Variants in HDC observed in about 807,000 individuals in gnomAD.
HDC encodes histidine decarboxylase.
In HDC, 27 loss-of-function variants were observed where a neutral mutation model predicts 64.4. The observed-to-expected ratio is 0.42, with a 90% CI of 0.31 to 0.58. HDC has a LOEUF of 0.58. Among genes scored for constraint, HDC ranks in the 20% least tolerant of loss-of-function variants. The probability of loss-of-function intolerance (pLI) is 0.16; values close to 1 mark genes in which losing one functional copy is unlikely to be tolerated. For synonymous variants in HDC, 305 were observed against 314.2 expected, an observed-to-expected ratio of 0.97 and a Z score of 0.31; for missense variants, 711 against 833.9, an observed-to-expected ratio of 0.85 and a Z score of 1.81.
chr15:50,252,029 T>C (rs1450503360), intron 9 of HDC, among the ~76,000 whole-genome samples: 1 of 151,758 alleles, frequency 6.6e-6, no homozygotes, highest in Non-Finnish European at 1.5e-5. Context: ...ACAAAAGCGA[T>C]TTCAGCAAGA....
At chr15:50,257,593 G>C (rs2045649754) in intron 3 of HDC, 46 bp from the exon 4 acceptor site, 3 of 1,608,632 alleles carry the variant, frequency 1.9e-6, no homozygotes. Flanking sequence ...CCAGGGCACT[G>C]AGGTGCCCCC....
rs1353439606 is a variant in HDC, at chr15:50,248,109, GC to G, written c.1140+135del. On this transcript the variant is annotated intron_variant, in intron 10 of 11. Coordinates refer to ENST00000267845, the MANE Select transcript of HDC (RefSeq NM_002112.4). This position sits in a 1 kb window ranked among gnomAD's most constrained non-coding sequence, Gnocchi z 4.3. ...TAACAAAGAGAATCAAGTCCCAGGA[GC>G]TGAGGAACAGGCCCAGACACCTGAA... The G allele has an allele frequency of 7.1e-6, 5 of 701,644 alleles. No individual in the cohort carries two copies. The East Asian group carries it at 1.4e-4, about 19-fold the overall frequency. The allele number at this position is 701,644 out of a possible 1,614,324, so 43.5% of individuals were successfully genotyped here. A position where few individuals can be genotyped will look rare whatever the true frequency, so the allele number is the denominator to read the frequency against.
At chr15:50,251,609 G>A (rs983649868) in intron 9 of HDC, among the ~76,000 whole-genome samples, 1 of 152,094 alleles carries the variant, frequency 6.6e-6, no homozygotes, top group Admixed American at 6.6e-5. Flanking sequence ...CTCAAACTGC[G>A]GAGTCAATTT....
chr15:50,258,883 G>A (rs573931977), intron 2 of HDC, among the ~76,000 whole-genome samples: 13 of 152,270 alleles, frequency 8.5e-5, no homozygotes, highest in South Asian at 2.1e-4. Context: ...AGGGCAGGCC[G>A]GGTGCGGTGG....
chr15:50,263,290 T>G lies in HDC; in HGVS notation c.149A>C (p.Asp50Ala), dbSNP rs763716383. 1 of 1,614,068 alleles carries G rather than the reference T, an allele frequency of 6.2e-7. No homozygotes were observed. Among genetic ancestry groups the G allele is most frequent in the Non-Finnish European group, 8.5e-7 (1 of 1,179,992 alleles). The part of the protein sequence containing the change: ...RAQLPESAPE[D>A]PDSWDSIFGD... ...AAAGATGCTGTCCCAGCTGTCGGGG[T>G]CCTCAGGAGCACTCTCAGGCAGCTG... The change falls in exon 2 of 12, where the codon GAC becomes GCC. Residue 50 changes from aspartate (D) to alanine (A), a missense_variant. This residue lies in a region of HDC where 225 missense variants were observed against 276.2 expected (regional missense o/e 0.81). Coordinates refer to ENST00000267845, the MANE Select transcript of HDC (RefSeq NM_002112.4).
intron 9 of HDC, among the ~76,000 whole-genome samples, chr15:50,249,151 T>A (rs1342750332): frequency 6.6e-6 from 1 of 152,226 alleles, no homozygotes; most frequent in East Asian, 1.9e-4. Context: ...AGATGAAAAT[T>A]GACTCTTTGC....
At chr15:50,246,610 T>C (rs1397722046) in intron 10 of HDC, among the ~76,000 whole-genome samples, 3 of 152,132 alleles carry the variant, frequency 2.0e-5, no homozygotes, top group Non-Finnish European at 2.9e-5. Flanking sequence ...GTCAAGTCCT[T>C]GAAAGCCAGG....
chr15:50,252,745 C>T lies in HDC; in HGVS notation c.817G>A (p.Asp273Asn), dbSNP rs2045574484. Reference sequence around the variant, plus strand: ...AAGGCAGTGCCTGCATAAGCAGCATCGATGTGGAGCCACAGCCCCTCACGG... The same window carrying T: ...AAGGCAGTGCCTGCATAAGCAGCATTGATGTGGAGCCACAGCCCCTCACGG... ...CAREGLWLHIDAAYAGTAFLC... is the reference protein window; with the variant it reads ...CAREGLWLHINAAYAGTAFLC... Residue 273 changes from aspartate to asparagine, a missense_variant, in exon 8 of 12, where the codon GAT becomes AAT. This residue lies in a region of HDC where 483 missense variants were observed against 540.9 expected (regional missense o/e 0.89). Transcript: ENST00000267845. 1 of 1,613,780 alleles carries T rather than the reference C, an allele frequency of 6.2e-7. No individual in the cohort carries two copies. Among genetic ancestry groups the T allele is most frequent in the South Asian group, 1.1e-5 (1 of 91,032 alleles).
Position 50,248,165 on chromosome 15 carries a change from T to G in HDC, c.1140+80A>C, listed in dbSNP as rs2045506771. 5 of 1,003,572 alleles carry G rather than the reference T, an allele frequency of 5.0e-6. No homozygotes were observed. The highest frequency in any genetic ancestry group is 4.7e-5 in the African/African-American group (3 of 63,270). 62.2% of individuals were successfully genotyped at this position (1,003,572 alleles called of 1,614,324 possible). A position where few individuals can be genotyped will look rare whatever the true frequency, so the allele number is the denominator to read the frequency against. ...ACACCGCAAGTCTCCTAGGCAGATC[T>G]GCAAAGTAGAAACCAGCCTTCCTCG... On this transcript the variant is annotated intron_variant, in intron 10 of 11. Transcript: ENST00000267845. This position sits in a 1 kb window ranked among gnomAD's most constrained non-coding sequence, Gnocchi z 4.3.
In HDC at chr15:50,247,385, ATAAT is replaced by A. The variant is rs565091594; in HGVS notation, c.1140+856_1140+859del. 1.7e-4 allele frequency among the ~76,000 whole-genome samples: 26 copies of A among 152,302 alleles called. 1 individual carries two copies. In the South Asian group the frequency reaches 5.2e-3, roughly 30 times the overall value. ...TATACGTAATTATTATGTAAGCATAATAATTATTTTTTTTAAATGTTAAAAAAAA... is the reference window on the plus strand; with the variant it reads ...TATACGTAATTATTATGTAAGCATAATATTTTTTTTAAATGTTAAAAAAAA... On this transcript the variant is annotated intron_variant, in intron 10 of 11. Coordinates refer to ENST00000267845, the MANE Select transcript of HDC (RefSeq NM_002112.4).
intron 10 of HDC, 51 bp from the exon 11 acceptor site, chr15:50,243,295 T>A: frequency 8.2e-7 from 1 of 1,222,404 alleles, no homozygotes; most frequent in Non-Finnish European, 1.2e-6. Context: ...GACAAGAGAC[T>A]ATGCATAAAC....
chr15:50,253,125 G>A, intron 7 of HDC: 1 of 406,590 alleles, frequency 2.5e-6, no homozygotes. Flanking sequence ...TTAGAGGGAA[G>A]GTATCTCTCT....
intron 9 of HDC, among the ~76,000 whole-genome samples, chr15:50,249,142 G>C (rs1225444371): frequency 6.6e-6 from 1 of 152,192 alleles, no homozygotes; most frequent in Non-Finnish European, 1.5e-5. Context: ...GCCGCTGTTA[G>C]ATGAAAATTG....
chr15:50,248,232 G>C lies in HDC; in HGVS notation c.1140+13C>G. The C allele has an allele frequency of 3.2e-6, 5 of 1,569,006 alleles. No individual in the cohort carries two copies. Among genetic ancestry groups the C allele is most frequent in the Non-Finnish European group, 4.4e-6 (5 of 1,138,970 alleles). On this transcript the variant is annotated intron_variant, in intron 10 of 11. Transcript: ENST00000267845. This position sits in a 1 kb window ranked among gnomAD's most constrained non-coding sequence, Gnocchi z 4.3. The stretch of plus-strand genomic sequence containing the variant: ...GAACACAGGCTCAGCCCCCACAGCA[G>C]CATGCTACATACATGTCTGACATGT...
intron 7 of HDC, chr15:50,253,222 T>C (rs892647989): frequency 2.6e-6 from 1 of 377,972 alleles, no homozygotes; most frequent in Non-Finnish European, 5.0e-6. Context: ...TCCCCTACCC[T>C]ACCCTTTTCC....
chr15:50,263,677 G>A (rs2045734371), intron 1 of HDC, among the ~76,000 whole-genome samples: 1 of 152,168 alleles, frequency 6.6e-6, no homozygotes, highest in Non-Finnish European at 1.5e-5. Context: ...GCAGGCGCAT[G>A]TAATCCCAGC....
intron 4 of HDC, 80 bp from the exon 5 acceptor site, chr15:50,254,744 C>G: frequency 2.9e-6 from 1 of 344,226 alleles, no homozygotes; most frequent in Admixed American, 5.2e-5. Context: ...TTTTTTCTCT[C>G]TCTCTCTCTC....
At chr15:50,254,448 G>C in intron 5 of HDC, 82 bp downstream of exon 5, 1 of 1,593,760 alleles carries the variant, frequency 6.3e-7, no homozygotes, top group Non-Finnish European at 8.6e-7. Context: ...GCGTACTCAC[G>C]TCTAGAAAAA....
At position 50,242,959 on chromosome 15, in the gene HDC, A is replaced by T. The variant is rs759647359; in HGVS notation, c.1290T>A (p.Ala430=). The T allele has an allele frequency of 1.9e-6, 3 of 1,614,074 alleles. No homozygotes were observed. In the South Asian group the frequency reaches 3.3e-5, roughly 18 times the overall value. The change falls in exon 12 of 12, where the codon GCT becomes GCA. Residue 430 remains alanine, a synonymous_variant. Coordinates refer to ENST00000267845, the MANE Select transcript of HDC (RefSeq NM_002112.4). ...TGGCCGGGATGAGGAAGAGACGGCC[A>T]GCTTTAGCTATTTCCTTTAACACAT... is the stretch of plus-strand genomic sequence containing the variant. ...TENVLKEIAK[A]GRLFLIPATI...
Sources: allele counts gnomAD v4.1 joint callset (sites outside exome capture counted in the v4.1 genomes callset), GRCh38; gene constraint gnomAD v4.1.1; regional missense constraint gnomAD v4.1.1; non-coding constraint Gnocchi (gnomAD v3.1); transcripts MANE v1.5; gene names NCBI Gene and HGNC (gene_info 2026-07-23, HGNC 2026-07-21).